The following TNFRSF8 variants were observed in gnomAD, a reference collection of about 807,000 sequenced individuals.
TNFRSF8 encodes tumor necrosis factor receptor superfamily member 8.
In TNFRSF8, 26 loss-of-function variants were observed where a neutral mutation model predicts 70.8. The ratio of observed to expected loss-of-function variants is 0.37; its 90% CI spans 0.27 to 0.51. The LOEUF is 0.51. TNFRSF8 is among the 20% of genes least tolerant of loss of function. TNFRSF8 has a pLI of 0.94. For missense variants in TNFRSF8, 720 were observed against 807.9 expected, an observed-to-expected ratio of 0.89 and a Z score of 1.32; for synonymous variants, 356 against 339.2, an observed-to-expected ratio of 1.05 and a Z score of -0.54.
intron 1 of TNFRSF8, among the ~76,000 whole-genome samples, chr1:12,082,645 C>A (rs1047702760): frequency 6.6e-6 from 1 of 151,592 alleles, no homozygotes; most frequent in African/African-American, 2.4e-5. Context: ...CCTCTCCGAC[C>A]CCTACTTCAC....
chr1:12,140,432 A>G (rs1243552481), intron 14 of TNFRSF8, among the ~76,000 whole-genome samples: 2 of 152,108 alleles, frequency 1.3e-5, no homozygotes, highest in East Asian at 1.9e-4. Flanking sequence ...TTTCCCCCCA[A>G]CTTCCTCACC....
intron 6 of TNFRSF8, among the ~76,000 whole-genome samples, chr1:12,111,431 C>T (rs1336144570): frequency 2.0e-5 from 3 of 152,156 alleles, no homozygotes; most frequent in Non-Finnish European, 2.9e-5. Context: ...ATCCACCCGC[C>T]TCAGCCTCCC....
intron 2 of TNFRSF8, among the ~76,000 whole-genome samples, chr1:12,092,806 CCT>C (rs2100979842): frequency 6.6e-6 from 1 of 151,106 alleles, no homozygotes; most frequent in South Asian, 2.1e-4. Flanking sequence ...CCGCGCCCGA[CCT>C]CTTTTTATTT....
chr1:12,118,400 C>T (rs546648802), intron 8 of TNFRSF8, among the ~76,000 whole-genome samples: 2 of 152,238 alleles, frequency 1.3e-5, no homozygotes, highest in South Asian at 2.1e-4. Flanking sequence ...CGTGAGCCAC[C>T]GCACCCGGCC....
chr1:12,097,022 G>C lies in TNFRSF8; in HGVS notation c.152-79G>C, dbSNP rs1641342634. 4.6e-6 allele frequency: 5 copies of C among 1,076,584 alleles called. No individual in the cohort carries two copies. The Admixed American group carries it at 9.0e-5, about 19-fold the overall frequency. The allele number at this position is 1,076,584 out of a possible 1,614,324, so 66.7% of individuals were successfully genotyped here. On this transcript the variant is annotated intron_variant, in intron 2 of 14. Coordinates refer to ENST00000263932, the MANE Select transcript of TNFRSF8 (RefSeq NM_001243.5). ...AGGTGGAGCTGGGAGGGGCGTCAGG[G>C]ATGAGAGGTGTGGGGCATTGGGTCA...
chr1:12,135,630 T>C lies in TNFRSF8; in HGVS notation c.1335+17T>C, dbSNP rs1211884369. The C allele has an allele frequency of 6.8e-6, 11 of 1,613,948 alleles. No individual in the cohort carries two copies. Among genetic ancestry groups the C allele is most frequent in the Non-Finnish European group, 6.8e-6 (8 of 1,179,944 alleles). On this transcript the variant is annotated intron_variant, in intron 13 of 14. Coordinates refer to ENST00000263932, the MANE Select transcript of TNFRSF8 (RefSeq NM_001243.5). ...AGCTCAACGGTAAGTACCCCTCCCT[T>C]GCCCCCACCTCAGCTTCGTGCCCCT...
intron 1 of TNFRSF8, among the ~76,000 whole-genome samples, chr1:12,069,823 T>A (rs1640811240): frequency 6.6e-6 from 1 of 152,130 alleles, no homozygotes; most frequent in Non-Finnish European, 1.5e-5. Context: ...AGGATTAGAA[T>A]CCTGTAGTGT....
intron 13 of TNFRSF8, 46 bp downstream of exon 13, chr1:12,135,659 T>A: frequency 1.2e-6 from 2 of 1,610,508 alleles, no homozygotes; most frequent in Non-Finnish European, 1.7e-6. Flanking sequence ...TGCCCCTAAA[T>A]CTGACTCCTT....
At chr1:12,087,029 T>A (rs1191908406) in intron 2 of TNFRSF8, among the ~76,000 whole-genome samples, 1 of 150,300 alleles carries the variant, frequency 6.7e-6, no homozygotes, top group African/African-American at 2.5e-5. Flanking sequence ...ACCGCCCCCA[T>A]CCATACACCC....
At chr1:12,115,426 G>A (rs1299981557) in intron 7 of TNFRSF8, 151 bp from the exon 8 acceptor site, 1 of 859,722 alleles carries the variant, frequency 1.2e-6, no homozygotes, top group African/African-American at 1.7e-5. Context: ...GAGCATGCTG[G>A]GAGAGCTGCT....
intron 4 of TNFRSF8, among the ~76,000 whole-genome samples, chr1:12,105,454 G>A (rs778652223): frequency 7.9e-5 from 12 of 151,374 alleles, no homozygotes; most frequent in Non-Finnish European, 1.2e-4. Context: ...TTCTCACCCC[G>A]AATACCTTCT....
chr1:12,139,765 G>A (rs1642219687), intron 14 of TNFRSF8, among the ~76,000 whole-genome samples: 2 of 152,226 alleles, frequency 1.3e-5, no homozygotes, highest in South Asian at 4.1e-4. Flanking sequence ...CTCCTGAGTA[G>A]CTGGGATTAT....
chr1:12,071,455 C>G (rs1237642454), intron 1 of TNFRSF8, among the ~76,000 whole-genome samples: 1 of 152,086 alleles, frequency 6.6e-6, no homozygotes, highest in African/African-American at 2.4e-5. Flanking sequence ...AGAAAAAAGT[C>G]TATGATAAGG....
Position 12,112,928 on chromosome 1 carries a change from C to G in TNFRSF8, c.793+914C>G, listed in dbSNP as rs1641659001. Reference sequence around the variant, plus strand: ...CTCCTTGTCCAGAGCTGCTTTTGGGCAGCAAAGCAGAGTGAAGGGTCAGGG... The same window carrying G: ...CTCCTTGTCCAGAGCTGCTTTTGGGGAGCAAAGCAGAGTGAAGGGTCAGGG... On this transcript the variant is annotated intron_variant, in intron 7 of 14. Transcript: ENST00000263932. This position sits in a 1 kb window ranked among gnomAD's most constrained non-coding sequence, Gnocchi z 5.3. Among the ~76,000 whole-genome samples, 1 of 152,230 alleles carries G rather than the reference C, an allele frequency of 6.6e-6. No individual in the cohort carries two copies. The highest frequency in any genetic ancestry group is 1.5e-5 in the Non-Finnish European group (1 of 68,036).
chr1:12,103,225 G>A (rs961622726), intron 3 of TNFRSF8, among the ~76,000 whole-genome samples: 8 of 151,968 alleles, frequency 5.3e-5, no homozygotes, highest in African/African-American at 1.4e-4. Flanking sequence ...TTAGTTGGGC[G>A]TGGTGGTGTG....
rs150896391 is a variant in TNFRSF8 at position 12,129,414 on chromosome 1, T to A, written c.1309+3178T>A. ...CAGAATTGGAATTCACACTGATACA[T>A]GACCCACAATGAATTCTCAGGCCCT... On this transcript the variant is annotated intron_variant, in intron 12 of 14. Transcript: ENST00000263932. 8.5e-5 allele frequency among the ~76,000 whole-genome samples: 13 copies of A among 152,332 alleles called. No individual in the cohort carries two copies. In the East Asian group the frequency reaches 2.3e-3, roughly 27 times the overall value.
intron 2 of TNFRSF8, among the ~76,000 whole-genome samples, chr1:12,085,449 G>A (rs912641937): frequency 1.3e-5 from 2 of 152,060 alleles, no homozygotes; most frequent in South Asian, 2.1e-4. Flanking sequence ...ACAAAGTCTC[G>A]CTATATTGCA....
In TNFRSF8 at chr1:12,063,435, G is replaced by A; in HGVS notation, c.-164G>A. On this transcript the variant is annotated 5_prime_UTR_variant, in exon 1 of 15. Coordinates refer to ENST00000263932, the MANE Select transcript of TNFRSF8 (RefSeq NM_001243.5). The surrounding 1 kb of genome is among the most constrained non-coding windows in gnomAD (Gnocchi z 7.2). ...ACAACCACTTTTGAAGTGACTTCGC[G>A]GCGTGCGTTGGGTGCGGACTAGGTG... is the stretch of plus-strand genomic sequence containing the variant. 1 of 469,570 alleles carries A rather than the reference G, an allele frequency of 2.1e-6. No individual in the cohort carries two copies. Among genetic ancestry groups the A allele is most frequent in the Non-Finnish European group, 3.4e-6 (1 of 290,660 alleles). The allele number at this position is 469,570 out of a possible 1,614,324, so 29.1% of individuals were successfully genotyped here.
At position 12,123,279 on chromosome 1, in the gene TNFRSF8, T is replaced by C. The variant is rs1428297695; in HGVS notation, c.947-5T>C. On this transcript the variant is annotated splice_region_variant and splice_polypyrimidine_tract_variant and intron_variant, in intron 8 of 14. Coordinates refer to ENST00000263932, the MANE Select transcript of TNFRSF8 (RefSeq NM_001243.5). ...TGGTTCTCAGATGTTACGTCCCCTC[T>C]GCAGATATGGCTGAGAAGGACACCA... 4 of 1,610,380 alleles carry C rather than the reference T, an allele frequency of 2.5e-6. No individual in the cohort carries two copies. In the African/African-American group the frequency reaches 4.0e-5, roughly 16 times the overall value.
Sources: gnomAD v4.1 joint callset for allele counts (sites outside exome capture counted in the v4.1 genomes callset) on GRCh38, gnomAD v4.1.1 for gene constraint, Gnocchi (gnomAD v3.1) non-coding constraint, MANE v1.5 for transcripts, NCBI Gene and HGNC (gene_info 2026-07-23, HGNC 2026-07-21) for gene names.